AP3B1: variants seen among roughly 807,000 people sequenced by gnomAD.
The protein encoded by AP3B1 is AP-3 complex subunit beta-1.
A neutral mutation model predicts 132.5 loss-of-function variants in AP3B1; 61 were observed. That is an observed-to-expected ratio of 0.46 (90% confidence interval 0.37 to 0.57). The LOEUF (loss-of-function observed/expected upper bound fraction) is 0.57. Ranked by LOEUF, AP3B1 falls within the 20% of genes least tolerant of loss-of-function variation. AP3B1 has a pLI of 0.00. For missense variants in AP3B1, 1,120 were observed against 1,289.4 expected (o/e 0.87, Z 2.01); for synonymous variants, 388 against 438.3 (o/e 0.89, Z 1.43).
At chr5:78,089,102 A>G in intron 22 of AP3B1, 1 of 336,578 alleles carries the variant, frequency 3.0e-6, no homozygotes, top group Non-Finnish European at 5.6e-6. Flanking sequence ...CAGTTCAGGT[A>G]TATGTACTGC....
At chr5:78,067,171 G>T (rs749636839) in intron 22 of AP3B1, among the ~76,000 whole-genome samples, 4 of 152,106 alleles carry the variant, frequency 2.6e-5, no homozygotes, top group Admixed American at 6.5e-5. Flanking sequence ...AAAAGACAAA[G>T]AAGGGCATTA....
intron 22 of AP3B1, among the ~76,000 whole-genome samples, chr5:78,074,185 T>A (rs1749666222): frequency 6.6e-6 from 1 of 152,152 alleles, no homozygotes; most frequent in South Asian, 2.1e-4. Flanking sequence ...AAAAAGTAGC[T>A]CCTTTTAGTA....
intron 22 of AP3B1, among the ~76,000 whole-genome samples, chr5:78,081,533 G>A (rs576752466): frequency 8.6e-4 from 131 of 151,930 alleles, no homozygotes; most frequent in African/African-American, 2.9e-3. Flanking sequence ...TCCTGACCTC[G>A]TGATCCGCCC....
chr5:78,274,013 G>A (rs999474042), intron 1 of AP3B1, among the ~76,000 whole-genome samples: 5 of 98,300 alleles, frequency 5.1e-5, no homozygotes, highest in Admixed American at 1.2e-4. Context: ...AATTACCCCC[G>A]CCCAAAAAAG....
Position 78,002,960 on chromosome 5 carries a change from T to A in AP3B1, c.3227A>T (p.Lys1076Ile). Residue 1076 changes from lysine to isoleucine, a missense_variant, in exon 27 of 27, where the codon AAA (lysine) becomes ATA (isoleucine). Lys to Ile is a moderately radical substitution (Grantham distance 102). Coordinates refer to ENST00000255194, the MANE Select transcript of AP3B1 (RefSeq NM_003664.5). ...STAQLIINTE[K>I]TVIGSVLLRE... ...CAGCAGAACAGAGCCAATCACAGTT[T>A]TCTCAGTGTTTATGATAAGCTGGGC... The A allele has an allele frequency of 6.2e-7, 1 of 1,614,182 alleles. No homozygotes were observed. Among genetic ancestry groups the A allele is most frequent in the Non-Finnish European group, 8.5e-7 (1 of 1,180,016 alleles).
intron 2 of AP3B1, among the ~76,000 whole-genome samples, chr5:78,263,402 G>A (rs965170499): frequency 1.3e-5 from 2 of 152,114 alleles, no homozygotes; most frequent in African/African-American, 4.8e-5. Context: ...ACAGTTTTTT[G>A]TGGAATCTTT....
intron 26 of AP3B1, among the ~76,000 whole-genome samples, chr5:78,014,907 G>T (rs1412707611): frequency 6.6e-6 from 1 of 152,116 alleles, no homozygotes; most frequent in Non-Finnish European, 1.5e-5. Flanking sequence ...AATATTACTG[G>T]TCTAAGAAAC....
intron 14 of AP3B1, among the ~76,000 whole-genome samples, chr5:78,155,944 A>G (rs145030904): frequency 2.1e-4 from 32 of 152,334 alleles, no homozygotes; most frequent in African/African-American, 7.7e-4. Flanking sequence ...CAGCTCTGGG[A>G]AACAGATGTT....
chr5:78,117,654 T>C (rs939563795), intron 17 of AP3B1, among the ~76,000 whole-genome samples: 24 of 152,194 alleles, frequency 1.6e-4, no homozygotes, highest in Non-Finnish European at 3.2e-4. Flanking sequence ...AAATACTAAT[T>C]ATATTTATTA....
At chr5:78,089,627 T>G in intron 21 of AP3B1, 128 bp from the exon 22 acceptor site, 1 of 716,016 alleles carries the variant, frequency 1.4e-6, no homozygotes, top group Non-Finnish European at 2.5e-6. Context: ...ACAATTCTAT[T>G]TAACATCTTG....
intron 5 of AP3B1, among the ~76,000 whole-genome samples, chr5:78,226,535 T>C (rs1430435416): frequency 1.3e-5 from 2 of 152,142 alleles, no homozygotes; most frequent in African/African-American, 4.8e-5. Flanking sequence ...TATATACATA[T>C]ATATCAAGTG....
intron 7 of AP3B1, among the ~76,000 whole-genome samples, chr5:78,189,789 G>C (rs1374719553): frequency 6.6e-6 from 1 of 151,818 alleles, no homozygotes; most frequent in Non-Finnish European, 1.5e-5. Flanking sequence ...AGAATCGCTT[G>C]AACCTGGGAC....
chr5:78,257,253 T>C (rs1290776411), intron 2 of AP3B1, among the ~76,000 whole-genome samples: 1 of 152,178 alleles, frequency 6.6e-6, no homozygotes, highest in Admixed American at 6.5e-5. Flanking sequence ...GATGATACAA[T>C]CTTATATTGG....
chr5:78,027,419 T>C (rs1171009988), intron 24 of AP3B1, among the ~76,000 whole-genome samples: 1 of 152,078 alleles, frequency 6.6e-6, no homozygotes, highest in African/African-American at 2.4e-5. Flanking sequence ...TTGGTTCTTG[T>C]GTCAATATCA....
chr5:78,185,319 T>C (rs1744558927), intron 7 of AP3B1, among the ~76,000 whole-genome samples: 1 of 152,208 alleles, frequency 6.6e-6, no homozygotes, highest in Admixed American at 6.5e-5. Context: ...TATAATAGTT[T>C]TTCCTTCTCC....
rs182269440 is a variant in AP3B1, at chr5:78,274,458, T to C, written c.129-6863A>G. On this transcript the variant is annotated intron_variant, in intron 1 of 26. Coordinates refer to ENST00000255194, the MANE Select transcript of AP3B1 (RefSeq NM_003664.5). ...AGAGTTCCAAAGAGAAAAGAGAGTA[T>C]GAAACAAAAGCAGTATTTGAAGAGA... is the stretch of plus-strand genomic sequence containing the variant. 4.6e-5 allele frequency among the ~76,000 whole-genome samples: 7 copies of C among 150,666 alleles called. No individual in the cohort carries two copies. The East Asian group carries it at 1.4e-3, about 29-fold the overall frequency.
chr5:78,000,589 A>C (rs1438748671), downstream of AP3B1: 1 of 151,906 alleles, frequency 6.6e-6, no homozygotes, highest in Non-Finnish European at 1.5e-5. Flanking sequence ...CTTTAGAATA[A>C]AAAAACTCTC....
intron 11 of AP3B1, among the ~76,000 whole-genome samples, chr5:78,168,851 G>A (rs1397337194): frequency 1.3e-5 from 2 of 152,140 alleles, no homozygotes; most frequent in Non-Finnish European, 2.9e-5. Context: ...CCTTTGGTCT[G>A]AAACAGTTTC....
intron 22 of AP3B1, among the ~76,000 whole-genome samples, chr5:78,064,489 G>T (rs1749194894): frequency 6.6e-6 from 1 of 152,114 alleles, no homozygotes; most frequent in Admixed American, 6.5e-5. Flanking sequence ...GTCTGGCTGG[G>T]GCTGCCCCCT....
Sources: allele counts gnomAD v4.1 joint callset (sites outside exome capture counted in the v4.1 genomes callset), GRCh38; gene constraint gnomAD v4.1.1; transcripts MANE v1.5; gene names NCBI Gene and HGNC (gene_info 2026-07-23, HGNC 2026-07-21).